ALB: variants seen among roughly 807,000 people sequenced by gnomAD.
The protein encoded by ALB is serum albumin.
ALB carries 37 observed loss-of-function variants against 74.5 expected under a neutral mutation model. The observed-to-expected ratio is 0.50, with a 90% CI of 0.38 to 0.65. The LOEUF is 0.65. Ranked by LOEUF, ALB falls within the 30% of genes least tolerant of loss-of-function variation. ALB has a pLI of 0.00. For synonymous variants in ALB, 249 were observed against 251.6 expected, an observed-to-expected ratio of 0.99 and a Z score of 0.10; for missense variants, 685 against 718.7, an observed-to-expected ratio of 0.95 and a Z score of 0.54.
intron 5 of ALB, 69 bp from the exon 6 acceptor site, chr4:73,410,243 T>G: frequency 5.7e-6 from 7 of 1,226,262 alleles, no homozygotes; most frequent in Non-Finnish European, 8.5e-6. Context: ...CAGTCTCATC[T>G]GAGCTTATGG....
chr4:73,410,890 A>G (rs1718858282), intron 6 of ALB, among the ~76,000 whole-genome samples: 1 of 152,112 alleles, frequency 6.6e-6, no homozygotes, highest in South Asian at 2.1e-4. Flanking sequence ...ATGATCTAAA[A>G]CTATTTGCTT....
chr4:73,412,634 G>C (rs190391520), intron 7 of ALB, among the ~76,000 whole-genome samples: 1 of 151,860 alleles, frequency 6.6e-6, no homozygotes, highest in African/African-American at 2.4e-5. Flanking sequence ...TAGTAGAGGC[G>C]GGGTTTCACC....
Position 73,419,609 on chromosome 4 carries a change from T to G in ALB, c.1755T>G (p.Ala585=), listed in dbSNP as rs748074177. The change falls in exon 13 of 15, where the codon GCT becomes GCG. Residue 585 remains alanine, a synonymous_variant. Coordinates refer to ENST00000295897, the MANE Select transcript of ALB (RefSeq NM_000477.7). ...FAAFVEKCCK[A]DDKETCFAEE... ...CTTTTGTAGAGAAGTGCTGCAAGGCTGACGATAAGGAGACCTGCTTTGCCG... is the reference window on the plus strand; with the variant it reads ...CTTTTGTAGAGAAGTGCTGCAAGGCGGACGATAAGGAGACCTGCTTTGCCG... 4 of 1,614,082 alleles carry G rather than the reference T, an allele frequency of 2.5e-6. No individual in the cohort carries two copies. In the Admixed American group the frequency reaches 6.7e-5, roughly 27 times the overall value.
chr4:73,404,467 T>G lies in ALB; in HGVS notation c.79+61T>G, dbSNP rs555168961. The G allele has an allele frequency of 3.6e-6, 5 of 1,379,092 alleles. No individual in the cohort carries two copies. The East Asian group carries it at 6.9e-5, about 19-fold the overall frequency. The allele number at this position is 1,379,092 out of a possible 1,614,324, so 85.4% of individuals were successfully genotyped here. ...TCTATTTTCCCAGTAAAATAAAGTT[T>G]TAGTAAACTCTGCATCTTTAAAGAA... On this transcript the variant is annotated intron_variant, in intron 1 of 14. Transcript: ENST00000295897.
At position 73,409,458 on chromosome 4, in the gene ALB, G is replaced by A; in HGVS notation, c.586G>A (p.Ala196Thr). The change falls in exon 5 of 15, where the codon GCT (alanine) becomes ACT (threonine). Residue 196 changes from alanine to threonine, a missense_variant. Ala to Thr is a moderately conservative substitution (Grantham distance 58, BLOSUM62 0). Coordinates refer to ENST00000295897, the MANE Select transcript of ALB (RefSeq NM_000477.7). ...TGCTTTTACAGAATGTTGCCAAGCTGCTGATAAAGCTGCCTGCCTGTTGCC... is the reference window on the plus strand; with the variant it reads ...TGCTTTTACAGAATGTTGCCAAGCTACTGATAAAGCTGCCTGCCTGTTGCC... ...KAAFTECCQAADKAACLLPKL... is the reference protein window; with the variant it reads ...KAAFTECCQATDKAACLLPKL... The A allele has an allele frequency of 6.2e-7, 1 of 1,613,936 alleles. No individual in the cohort carries two copies. The highest frequency in any genetic ancestry group is 8.5e-7 in the Non-Finnish European group (1 of 1,179,884).
At chr4:73,411,562 G>T (rs1043182983) in intron 6 of ALB, among the ~76,000 whole-genome samples, 2 of 152,162 alleles carry the variant, frequency 1.3e-5, no homozygotes, top group African/African-American at 4.8e-5. Context: ...AAATGCTTTT[G>T]TATGTATTAT....
chr4:73,410,585 T>C (rs956209649), intron 6 of ALB, among the ~76,000 whole-genome samples, 176 bp downstream of exon 6: 7 of 152,184 alleles, frequency 4.6e-5, no homozygotes, highest in African/African-American at 1.7e-4. Context: ...CAATTTGACA[T>C]TATTTTTAAT....
chr4:73,408,771 G>T lies in ALB; in HGVS notation c.448G>T (p.Ala150Ser), dbSNP rs1054716243. 6 of 1,613,862 alleles carry T rather than the reference G, an allele frequency of 3.7e-6. No individual in the cohort carries two copies. Among genetic ancestry groups the T allele is most frequent in the Non-Finnish European group, 1.7e-6 (2 of 1,179,816 alleles). The change falls in exon 4 of 15, where the codon GCT becomes TCT. Residue 150 changes from alanine to serine, a missense_variant. Ala to Ser is a moderately conservative substitution (Grantham distance 99). Coordinates refer to ENST00000295897, the MANE Select transcript of ALB (RefSeq NM_000477.7). ...VRPEVDVMCT[A>S]FHDNEETFLK... ...ACCAGAGGTTGATGTGATGTGCACT[G>T]CTTTTCATGACAATGAAGAGACATT...
intron 7 of ALB, among the ~76,000 whole-genome samples, chr4:73,412,888 C>T (rs1159432015): frequency 6.6e-6 from 1 of 152,198 alleles, no homozygotes; most frequent in Non-Finnish European, 1.5e-5. Flanking sequence ...GGAATGATAT[C>T]TCTTTTCTCA....
At chr4:73,409,058 T>C (rs577532162) in intron 4 of ALB, 1 of 576,852 alleles carries the variant, frequency 1.7e-6, no homozygotes, top group African/African-American at 1.9e-5. Context: ...ACAAATTATT[T>C]AATGTATTAC....
intron 9 of ALB, among the ~76,000 whole-genome samples, chr4:73,415,838 C>G (rs983342474): frequency 2.0e-5 from 3 of 152,176 alleles, no homozygotes; most frequent in Admixed American, 6.5e-5. Context: ...TATGTACAAT[C>G]ATAGCCATCA....
At chr4:73,409,173 T>G in intron 4 of ALB, 182 bp from the exon 5 acceptor site, 1 of 629,518 alleles carries the variant, frequency 1.6e-6, no homozygotes, top group Non-Finnish European at 2.6e-6. Flanking sequence ...ACACACACAC[T>G]TAACCCTTTT....
At chr4:73,407,238 G>T (rs557928616) in intron 3 of ALB, among the ~76,000 whole-genome samples, 1 of 152,102 alleles carries the variant, frequency 6.6e-6, no homozygotes, top group East Asian at 1.9e-4. Flanking sequence ...TTAAAACTTT[G>T]TGCCCATTGA....
intron 2 of ALB, 100 bp from the exon 3 acceptor site, chr4:73,406,529 A>C: frequency 8.7e-7 from 1 of 1,149,776 alleles, no homozygotes; most frequent in Non-Finnish European, 1.3e-6. Flanking sequence ...GATGTATAAA[A>C]GATAGAACCT....
At chr4:73,407,428 A>T (rs767261966) in intron 3 of ALB, among the ~76,000 whole-genome samples, 4 of 152,188 alleles carry the variant, frequency 2.6e-5, no homozygotes, top group Non-Finnish European at 5.9e-5. Flanking sequence ...GTTGTTGCCT[A>T]TTGCAGAATT....
At chr4:73,411,504 A>G (rs548226237) in intron 6 of ALB, among the ~76,000 whole-genome samples, 3 of 152,342 alleles carry the variant, frequency 2.0e-5, no homozygotes, top group African/African-American at 7.2e-5. Context: ...ATGTGTTTCA[A>G]TTGAGAAAAA....
In ALB at chr4:73,406,654, C is replaced by G. The variant is rs756174669; in HGVS notation, c.163C>G (p.Leu55Val). 11 of 1,613,816 alleles carry G rather than the reference C, an allele frequency of 6.8e-6. No homozygotes were observed. The highest frequency in any genetic ancestry group is 9.3e-6 in the Non-Finnish European group (11 of 1,179,932). ...ALVLIAFAQY[L>V]QQCPFEDHVK... ...GGTGTTGATTGCCTTTGCTCAGTAT[C>G]TTCAGCAGTGTCCATTTGAAGATCA... The change falls in exon 3 of 15, where the codon CTT (leucine) becomes GTT (valine). Residue 55 changes from leucine to valine, a missense_variant. By Grantham distance (32) the Leu-to-Val change is conservative. Transcript: ENST00000295897.
intron 1 of ALB, chr4:73,404,849 G>C: frequency 2.3e-6 from 1 of 434,106 alleles, no homozygotes; most frequent in Non-Finnish European, 4.1e-6. Context: ...GACACTAAAA[G>C]AGTATTAGAT....
In ALB at chr4:73,412,129, A is replaced by G; in HGVS notation, c.843+4A>G. 6.2e-7 allele frequency: 1 copy of G among 1,614,002 alleles called. No individual in the cohort carries two copies. The highest frequency in any genetic ancestry group is 8.5e-7 in the Non-Finnish European group (1 of 1,179,964). On this transcript the variant is annotated splice_donor_region_variant and intron_variant, in intron 7 of 14. Transcript: ENST00000295897. Reference sequence around the variant, plus strand: ...GCTTGAATGTGCTGATGACAGGGTAAAGAGTCGTCGATATGCTTTTTGGTA... The same window carrying G: ...GCTTGAATGTGCTGATGACAGGGTAGAGAGTCGTCGATATGCTTTTTGGTA...
Sources: gnomAD v4.1 joint callset for allele counts (sites outside exome capture counted in the v4.1 genomes callset) on GRCh38, gnomAD v4.1.1 for gene constraint, MANE v1.5 for transcripts, NCBI Gene and HGNC (gene_info 2026-07-23, HGNC 2026-07-21) for gene names.